The following DOCK8 variants were observed in gnomAD, a reference collection of about 807,000 sequenced individuals.
DOCK8 encodes dedicator of cytokinesis protein 8.
Under a neutral mutation model 245.6 loss-of-function variants are expected in DOCK8, and 141 were observed. That is an observed-to-expected ratio of 0.57 (90% CI 0.50 to 0.66). The LOEUF (loss-of-function observed/expected upper bound fraction) is 0.66. Among genes scored for constraint, DOCK8 ranks in the 30% least tolerant of loss-of-function variants. The probability of loss-of-function intolerance (pLI) is 0.00; values close to 1 mark genes in which losing one functional copy is unlikely to be tolerated. For synonymous variants in DOCK8, 1,168 were observed against 970.2 expected, an observed-to-expected ratio of 1.20 and a Z score of -3.79; for missense variants, 2,965 against 2,603.4, an observed-to-expected ratio of 1.14 and a Z score of -3.02.
intron 1 of DOCK8, among the ~76,000 whole-genome samples, chr9:217,754 A>G (rs898813655): frequency 7.2e-5 from 11 of 152,186 alleles, no homozygotes; most frequent in African/African-American, 2.2e-4. Context: ...AATGGATTTT[A>G]TGATTAAATT....
intron 6 of DOCK8, among the ~76,000 whole-genome samples, chr9:315,798 C>G (rs1025972880): frequency 6.6e-6 from 1 of 152,144 alleles, no homozygotes; most frequent in African/African-American, 2.4e-5. Flanking sequence ...CAATGAAAAT[C>G]TTTTTTAAAA....
intron 2 of DOCK8, among the ~76,000 whole-genome samples, chr9:272,257 G>T (rs149998554): frequency 6.6e-6 from 1 of 152,150 alleles, no homozygotes; most frequent in African/African-American, 2.4e-5. Flanking sequence ...TTATCCTAAA[G>T]CGTTCCCCAG....
intron 1 of DOCK8, among the ~76,000 whole-genome samples, chr9:229,938 T>C (rs1400466990): frequency 6.6e-6 from 1 of 151,976 alleles, no homozygotes; most frequent in Non-Finnish European, 1.5e-5. Context: ...AGTTTTAGGG[T>C]ACATGTGCAC....
At chr9:304,208 C>T (rs956229323) in intron 4 of DOCK8, among the ~76,000 whole-genome samples, 1 of 152,170 alleles carries the variant, frequency 6.6e-6, no homozygotes, top group African/African-American at 2.4e-5. Flanking sequence ...TTTTTATCTT[C>T]AAACGATCTC....
intron 7 of DOCK8, among the ~76,000 whole-genome samples, chr9:318,498 G>T (rs1225170421): frequency 6.6e-6 from 1 of 152,112 alleles, no homozygotes; most frequent in Non-Finnish European, 1.5e-5. Flanking sequence ...CTAACGCATA[G>T]CCTCTGCCAA....
intron 14 of DOCK8, among the ~76,000 whole-genome samples, chr9:356,545 A>G (rs1011790953): frequency 6.6e-6 from 1 of 150,984 alleles, no homozygotes; most frequent in Non-Finnish European, 1.5e-5. Flanking sequence ...AAAAAAAAAA[A>G]GAAAAAATTT....
chr9:460,784 C>G (rs982643298), intron 46 of DOCK8, among the ~76,000 whole-genome samples: 1 of 152,246 alleles, frequency 6.6e-6, no homozygotes, highest in African/African-American at 2.4e-5. Flanking sequence ...ACATGCTATC[C>G]TCTTCCTCTT....
In DOCK8 at chr9:431,436, G is replaced by A. The variant is rs10974397; in HGVS notation, c.4627-730G>A. ...GGTAGCCATGTTTTTCCATGGGCCT[G>A]TAAAGAAAGAAGAAACAAAACCTTG... On this transcript the variant is annotated intron_variant, in intron 36 of 47. Transcript: ENST00000432829. Among the ~76,000 whole-genome samples, 59 of 152,270 alleles carry A rather than the reference G, an allele frequency of 3.9e-4. 1 individual carries two copies. In the East Asian group the frequency reaches 8.7e-3, roughly 22 times the overall value.
rs1181344795 is a variant in DOCK8 at position 400,887 on chromosome 9, C to T, written c.3234+1628C>T. ...TCCACCATCACCACCACCTCCACCA[C>T]CACCACCTCCCCCACTACCAACAGC... On this transcript the variant is annotated intron_variant, in intron 26 of 47. Transcript: ENST00000432829. Among the ~76,000 whole-genome samples, 201 of 100,242 alleles carry T rather than the reference C, an allele frequency of 2.0e-3. 2 individuals are homozygous for T. Among genetic ancestry groups the T allele is most frequent in the Middle Eastern group, 4.6e-3 (1 of 218 alleles). The allele number at this position is 100,242 out of a possible 152,430, so 65.8% of individuals were successfully genotyped here.
In DOCK8 at chr9:300,564, C is replaced by CA. The variant is rs763894387; in HGVS notation, c.405-4007dup. On this transcript the variant is annotated intron_variant, in intron 4 of 47. Coordinates refer to ENST00000432829, the MANE Select transcript of DOCK8 (RefSeq NM_203447.4). ...TCAATGAAACCAAAAGTTTGTGATTCAAAAAAAAAACAAGGTTGATAGATC... is the reference window on the plus strand; with the variant it reads ...TCAATGAAACCAAAAGTTTGTGATTCAAAAAAAAAAACAAGGTTGATAGATC... Among the ~76,000 whole-genome samples, 255 of 140,800 alleles carry CA rather than the reference C, an allele frequency of 1.8e-3. 2 individuals carry two copies. Among genetic ancestry groups the CA allele is most frequent in the African/African-American group, 5.6e-3 (213 of 38,198 alleles). 92.4% of individuals were successfully genotyped at this position (140,800 alleles called of 152,430 possible).
chr9:460,421 C>G (rs1421857613), intron 46 of DOCK8: 2 of 152,202 alleles, frequency 1.3e-5, no homozygotes, highest in Non-Finnish European at 2.9e-5. Context: ...ATGTTATAAA[C>G]TTGGGCCTTG....
rs947647632 is a variant in DOCK8, at chr9:452,105, A to G, written c.6056A>G (p.Glu2019Gly). ...AACAAGTTGAGGTTATGCTTTAAGG[A>G]ATTCATCATGAGGTAAGAAGGAAAA... Reference protein sequence around the residue: ...HHNKLRLCFKEFIMRCGEAVE... With the variant: ...HHNKLRLCFKGFIMRCGEAVE... Residue 2019 changes from glutamate to glycine, a missense_variant, in exon 46 of 48, where the codon GAA (glutamate) becomes GGA (glycine). This residue lies in a region of DOCK8 where 134 missense variants were observed against 128.1 expected (regional missense o/e 1.05). Coordinates refer to ENST00000432829, the MANE Select transcript of DOCK8 (RefSeq NM_203447.4). 4.3e-6 allele frequency: 7 copies of G among 1,610,596 alleles called. No homozygotes were observed. The highest frequency in any genetic ancestry group is 5.9e-6 in the Non-Finnish European group (7 of 1,177,866).
In DOCK8 at chr9:376,260, A is replaced by G. The variant is rs1259648200; in HGVS notation, c.2160A>G (p.Gly720=). 2.5e-6 allele frequency: 4 copies of G among 1,613,628 alleles called. No individual in the cohort carries two copies. The South Asian group carries it at 4.4e-5, about 18-fold the overall frequency. The change falls in exon 19 of 48, where the codon GGA becomes GGG. Residue 720 remains glycine (G), a synonymous_variant. Transcript: ENST00000432829. The stretch of plus-strand genomic sequence containing the variant: ...TTAAGTGGGCTGAAGGACATAAGGG[A>G]GTATTTAATATTGAAGTGCAAGCTG... ...PPIKWAEGHK[G]VFNIEVQAVS...
At chr9:311,324 T>G (rs67483170) in intron 5 of DOCK8, among the ~76,000 whole-genome samples, 6 of 150,022 alleles carry the variant, frequency 4.0e-5, no homozygotes, top group Admixed American at 1.3e-4. Flanking sequence ...ACTGCAGCCT[T>G]GAACTCCTGG....
Position 414,850 on chromosome 9 carries a change from C to G in DOCK8, c.3599C>G (p.Pro1200Arg). The stretch of plus-strand genomic sequence containing the variant: ...CTGCTAAGTTCTCACGACCTGGACC[C>G]ACGCTGTGTCAAACCAGAGGTGAAG... Reference protein sequence around the residue: ...HSLLSSHDLDPRCVKPEVKVK... With the variant: ...HSLLSSHDLDRRCVKPEVKVK... Residue 1200 changes from proline (P) to arginine (R), a missense_variant, in exon 29 of 48, where the codon CCA becomes CGA. Physicochemically the swap from Pro to Arg is moderately radical, Grantham distance 103. Around this residue, in one of 3 missense-constraint regions of DOCK8, gnomAD observed 2,825 missense variants for 2,453.5 expected, o/e 1.15. Transcript: ENST00000432829. The G allele has an allele frequency of 6.2e-7, 1 of 1,614,230 alleles. No homozygotes were observed. Among genetic ancestry groups the G allele is most frequent in the South Asian group, 1.1e-5 (1 of 91,084 alleles).
intron 6 of DOCK8, among the ~76,000 whole-genome samples, chr9:315,461 A>G (rs569813638): frequency 5.9e-5 from 9 of 152,358 alleles, no homozygotes; most frequent in Middle Eastern, 3.4e-3. Context: ...AAATAACAGT[A>G]AAAACAAATT....
At chr9:409,252 C>T (rs955366949) in intron 28 of DOCK8, among the ~76,000 whole-genome samples, 1 of 152,200 alleles carries the variant, frequency 6.6e-6, no homozygotes, top group African/African-American at 2.4e-5. Context: ...CCTTGGATCT[C>T]TGACACCTGG....
At chr9:395,390 C>T (rs939197990) in intron 24 of DOCK8, among the ~76,000 whole-genome samples, 1 of 152,140 alleles carries the variant, frequency 6.6e-6, no homozygotes, top group South Asian at 2.1e-4. Context: ...CAAAAATTGC[C>T]AGTGCTGCAT....
At chr9:327,971 C>T (rs1361848771) in intron 8 of DOCK8, 51 bp from the exon 9 acceptor site, 5 of 1,567,482 alleles carry the variant, frequency 3.2e-6, no homozygotes, top group Admixed American at 1.7e-5. Flanking sequence ...CATGTTTAAA[C>T]CATGAATGCA....
Sources: gnomAD v4.1 joint callset for allele counts (sites outside exome capture counted in the v4.1 genomes callset) on GRCh38, gnomAD v4.1.1 for gene constraint, gnomAD v4.1.1 regional missense constraint, MANE v1.5 for transcripts, NCBI Gene and HGNC (gene_info 2026-07-23, HGNC 2026-07-21) for gene names.